SRBD1: variants seen among roughly 807,000 people sequenced by gnomAD.
SRBD1 encodes the protein S1 RNA-binding domain-containing protein 1.
Under a neutral mutation model 115.3 loss-of-function variants are expected in SRBD1, and 88 were observed. The observed-to-expected ratio is 0.76, with a 90% CI of 0.64 to 0.91. The LOEUF (loss-of-function observed/expected upper bound fraction) is 0.91. Ranked by LOEUF, SRBD1 falls within the 40% of genes least tolerant of loss-of-function variation. SRBD1 has a pLI of 0.00. For synonymous variants in SRBD1, 509 were observed against 407.7 expected (o/e 1.25, Z -2.99); for missense variants, 1,385 against 1,177.4 (o/e 1.18, Z -2.58).
Position 45,579,915 on chromosome 2 carries a change from C to A in SRBD1, c.1032G>T (p.Gly344=). 1 of 1,610,278 alleles carries A rather than the reference C, an allele frequency of 6.2e-7. No individual in the cohort carries two copies. The highest frequency in any genetic ancestry group is 8.5e-7 in the Non-Finnish European group (1 of 1,178,286). The change falls in exon 7 of 21, where the codon GGG becomes GGT. Residue 344 remains glycine (G), a synonymous_variant. Transcript: ENST00000263736. ...TAATGTACGATAGCAGACTGAGCTC[C>A]CCTGGTTTCTCAAGCAGTGCCCTGG... is the stretch of plus-strand genomic sequence containing the variant. The part of the protein sequence containing the change: ...GAARALLEKP[G]ELSLLSYIRP...
At position 45,393,077 on chromosome 2, in the gene SRBD1, G is replaced by A; in HGVS notation, c.2566C>T (p.Gln856Ter). Residue 856 changes from glutamine (Q) to a stop codon, truncating the protein, a stop_gained, in exon 20 of 21, where the codon CAA (glutamine) becomes TAA (stop). Transcript: ENST00000263736. LOFTEE classifies it high-confidence loss of function. ...TLYEVGKPEM[Q>*]QKINSFLEKE... ...TCAAGGAATGAATTTATTTTTTGTT[G>A]CATTTCAGGCTTTCCAACCTCATAC... 1 of 1,613,434 alleles carries A rather than the reference G, an allele frequency of 6.2e-7. No homozygotes were observed. The highest frequency in any genetic ancestry group is 2.2e-5 in the East Asian group (1 of 44,854).
At chr2:45,530,144 G>C (rs543686374) in intron 14 of SRBD1, among the ~76,000 whole-genome samples, 2 of 152,116 alleles carry the variant, frequency 1.3e-5, no homozygotes, top group South Asian at 4.1e-4. Context: ...TCAAAAGGTA[G>C]TGGGAATTTC....
At chr2:45,530,104 C>T (rs1281284929) in intron 14 of SRBD1, among the ~76,000 whole-genome samples, 2 of 151,866 alleles carry the variant, frequency 1.3e-5, no homozygotes, top group Non-Finnish European at 2.9e-5. Context: ...TGAGGAAAAC[C>T]ATTATGTTGA....
intron 16 of SRBD1, among the ~76,000 whole-genome samples, chr2:45,425,998 G>A (rs966137351): frequency 1.3e-5 from 2 of 151,986 alleles, no homozygotes; most frequent in Non-Finnish European, 2.9e-5. Flanking sequence ...CAGTGAGACA[G>A]AACCATTCAC....
chr2:45,474,563 G>T (rs1156424508), intron 16 of SRBD1, among the ~76,000 whole-genome samples: 1 of 152,198 alleles, frequency 6.6e-6, no homozygotes, highest in Non-Finnish European at 1.5e-5. Flanking sequence ...GAGGAGGTCA[G>T]TACAGGCCTA....
In SRBD1 at chr2:45,585,619, T is replaced by C. The variant is rs969860792; in HGVS notation, c.804A>G (p.Leu268=). 1.9e-6 allele frequency: 3 copies of C among 1,611,064 alleles called. No individual in the cohort carries two copies. The highest frequency in any genetic ancestry group is 2.5e-6 in the Non-Finnish European group (3 of 1,179,214). ...TTTAGGTTTCTTACCGTAGCTCTTC[T>C]AGGGTTTGCTGAACTTCTCTCAAGG... ...ADSLREVQQT[L]EELRAVAKKV... is the part of the protein sequence containing the mutation. Residue 268 remains leucine (L), a synonymous_variant, in exon 5 of 21, where the codon CTA becomes CTG. Coordinates refer to ENST00000263736, the MANE Select transcript of SRBD1 (RefSeq NM_018079.5).
At chr2:45,608,423 C>T (rs146192882) in intron 1 of SRBD1, among the ~76,000 whole-genome samples, 6 of 152,292 alleles carry the variant, frequency 3.9e-5, no homozygotes, top group African/African-American at 1.2e-4. Context: ...AAACTACCTA[C>T]GACAGGTACA....
chr2:45,598,699 A>C (rs1161854931), intron 4 of SRBD1, among the ~76,000 whole-genome samples: 1 of 152,170 alleles, frequency 6.6e-6, no homozygotes, highest in Non-Finnish European at 1.5e-5. Flanking sequence ...CCAGATTGAG[A>C]AGTGGAATCA....
chr2:45,581,799 T>A lies in SRBD1; in HGVS notation c.827A>T (p.Lys276Met). 6.2e-7 allele frequency: 1 copy of A among 1,612,094 alleles called. No homozygotes were observed. The highest frequency in any genetic ancestry group is 1.3e-5 in the African/African-American group (1 of 74,734). Reference protein sequence around the residue: ...QTLEELRAVAKKVHSTIQKIK... With the variant: ...QTLEELRAVAMKVHSTIQKIK... ...TTTCTGGATTGTACTATGAACTTTC[T>A]TTGCAACAGCCCTGAAAAGAGAAAC... Residue 276 changes from lysine to methionine, a missense_variant, in exon 6 of 21, where the codon AAG becomes ATG. Physicochemically the swap from Lys to Met is moderately conservative, Grantham distance 95. Coordinates refer to ENST00000263736, the MANE Select transcript of SRBD1 (RefSeq NM_018079.5).
chr2:45,544,302 A>G (rs567042142), intron 14 of SRBD1, among the ~76,000 whole-genome samples: 4 of 152,286 alleles, frequency 2.6e-5, no homozygotes, highest in African/African-American at 9.6e-5. Flanking sequence ...CCCACACTTA[A>G]CATATTTACT....
chr2:45,594,369 C>A (rs1369104388), intron 4 of SRBD1, among the ~76,000 whole-genome samples: 1 of 152,188 alleles, frequency 6.6e-6, no homozygotes, highest in Non-Finnish European at 1.5e-5. Context: ...GGCTGCTCAA[C>A]TCCCCTACAC....
At position 45,448,262 on chromosome 2, in the gene SRBD1, G is replaced by A. The variant is rs140867967; in HGVS notation, c.2050-28368C>T. ...TTGTGCTTCAAGTTGTTTTATCTAC[G>A]AAATGGGGAAAATAACAGCACCTAG... On this transcript the variant is annotated intron_variant, in intron 16 of 20. Coordinates refer to ENST00000263736, the MANE Select transcript of SRBD1 (RefSeq NM_018079.5). Among the ~76,000 whole-genome samples the A allele has an allele frequency of 3.2e-3, 494 of 152,094 alleles. 1 individual carries two copies. The highest frequency in any genetic ancestry group is 0.011 in the African/African-American group (436 of 41,494).
chr2:45,581,173 TAA>T (rs1673351621), intron 6 of SRBD1, among the ~76,000 whole-genome samples: 1 of 152,174 alleles, frequency 6.6e-6, no homozygotes, highest in Non-Finnish European at 1.5e-5. Flanking sequence ...GACCTCCATC[TAA>T]AACTCTCTTC....
intron 16 of SRBD1, among the ~76,000 whole-genome samples, chr2:45,420,912 G>C (rs993305654): frequency 1.3e-5 from 2 of 152,070 alleles, no homozygotes; most frequent in African/African-American, 4.8e-5. Context: ...TGTGCACAAC[G>C]TGCAGGTTTG....
At chr2:45,537,160 G>C (rs73927527) in intron 14 of SRBD1, among the ~76,000 whole-genome samples, 10,337 of 152,188 alleles carry the variant, frequency 0.068, 549 homozygotes, top group African/African-American at 0.15. Flanking sequence ...AGGATAAAGA[G>C]AACATGAATC....
chr2:45,551,292 T>C lies in SRBD1; in HGVS notation c.1518-10A>G, dbSNP rs559613512. ...TGATGTTAGTTTGGCTCTTTAGAAA[T>C]AGAAGAAAAGAAAAAGTTTTTCATT... On this transcript the variant is annotated splice_polypyrimidine_tract_variant and intron_variant, in intron 11 of 20. Coordinates refer to ENST00000263736, the MANE Select transcript of SRBD1 (RefSeq NM_018079.5). 6.3e-6 allele frequency: 10 copies of C among 1,581,756 alleles called. No homozygotes were observed. Among genetic ancestry groups the C allele is most frequent in the Admixed American group, 6.2e-5 (3 of 48,296 alleles).
intron 1 of SRBD1, among the ~76,000 whole-genome samples, chr2:45,608,508 T>C (rs913931284): frequency 6.6e-6 from 1 of 152,164 alleles, no homozygotes; most frequent in Non-Finnish European, 1.5e-5. Flanking sequence ...ACTACTCCCA[T>C]ATCCTCTTAC....
intron 14 of SRBD1, among the ~76,000 whole-genome samples, chr2:45,527,451 G>GAAT (rs1396036004): frequency 6.6e-6 from 1 of 151,868 alleles, no homozygotes; most frequent in African/African-American, 2.4e-5. Context: ...ATCTCATGGA[G>GAAT]AATGTATCTG....
intron 19 of SRBD1, among the ~76,000 whole-genome samples, chr2:45,408,250 C>T (rs1156691274): frequency 6.6e-6 from 1 of 152,152 alleles, no homozygotes; most frequent in Non-Finnish European, 1.5e-5. Flanking sequence ...ACTACCTATG[C>T]TGAGTGATGT....
Sources: gnomAD v4.1 joint callset for allele counts (sites outside exome capture counted in the v4.1 genomes callset) on GRCh38, gnomAD v4.1.1 for gene constraint, MANE v1.5 for transcripts, NCBI Gene and HGNC (gene_info 2026-07-23, HGNC 2026-07-21) for gene names.